The following ROBO2 variants were observed in gnomAD, a reference collection of about 807,000 sequenced individuals.
ROBO2 encodes the protein roundabout homolog 2.
A neutral mutation model predicts 160.8 loss-of-function variants in ROBO2; 53 were observed. The observed-to-expected ratio is 0.33, with a 90% CI of 0.26 to 0.41. ROBO2 has a LOEUF of 0.41. Ranked by LOEUF, ROBO2 falls within the 10% of genes least tolerant of loss-of-function variation. The pLI, the probability that ROBO2 is intolerant of heterozygous loss-of-function variation, is 1.00. For synonymous variants in ROBO2, 664 were observed against 611.7 expected (o/e 1.09, Z -1.26); for missense variants, 1,577 against 1,722.4 (o/e 0.92, Z 1.49).
intron 2 of ROBO2, among the ~76,000 whole-genome samples, chr3:76,950,548 G>T (rs1315850552): frequency 6.6e-6 from 1 of 152,096 alleles, no homozygotes; most frequent in Non-Finnish European, 1.5e-5. Context: ...TGAGCTGGGA[G>T]ATCACAGCCA....
chr3:77,248,732 C>G (rs1042714704), intron 2 of ROBO2, among the ~76,000 whole-genome samples: 1 of 151,818 alleles, frequency 6.6e-6, no homozygotes, highest in Admixed American at 6.6e-5. Context: ...CTCCAGTTCC[C>G]GCCCACGAAG....
intron 2 of ROBO2, among the ~76,000 whole-genome samples, chr3:76,286,279 C>G (rs1421086858): frequency 6.6e-6 from 1 of 151,994 alleles, no homozygotes; most frequent in East Asian, 1.9e-4. Context: ...ATGTAGAAAA[C>G]TATATAGATG....
At chr3:77,181,165 C>T (rs974735302) in intron 2 of ROBO2, among the ~76,000 whole-genome samples, 1 of 151,992 alleles carries the variant, frequency 6.6e-6, no homozygotes, top group Non-Finnish European at 1.5e-5. Context: ...ACAGAAAATG[C>T]CCAAGGTAGA....
chr3:76,894,125 A>G (rs2074579342), intron 2 of ROBO2, among the ~76,000 whole-genome samples: 1 of 151,674 alleles, frequency 6.6e-6, no homozygotes, highest in Admixed American at 6.6e-5. Flanking sequence ...ACTGCTTATT[A>G]TCTGTGGGAG....
chr3:76,198,030 G>T (rs558544574), intron 2 of ROBO2, among the ~76,000 whole-genome samples: 1 of 152,140 alleles, frequency 6.6e-6, no homozygotes, highest in African/African-American at 2.4e-5. Flanking sequence ...AAGTACAACT[G>T]TAAGCACCCC....
rs115702164 is a variant in ROBO2, at chr3:77,474,842, A to G, written c.389-2572A>G. Among the ~76,000 whole-genome samples, 1,468 of 152,316 alleles carry G rather than the reference A, an allele frequency of 9.6e-3. 25 individuals are homozygous for G. Among genetic ancestry groups the G allele is most frequent in the African/African-American group, 0.033 (1,359 of 41,568 alleles). On this transcript the variant is annotated intron_variant, in intron 2 of 25. Transcript: ENST00000461745. ...AAGAGCACAGGGCAAAATCCAAGGC[A>G]GAAATGAATAATTAGCACAAAAATG...
At chr3:77,099,724 T>G (rs1312124068) in intron 2 of ROBO2, among the ~76,000 whole-genome samples, 1 of 152,224 alleles carries the variant, frequency 6.6e-6, no homozygotes, top group East Asian at 1.9e-4. Flanking sequence ...TTTATTGATT[T>G]TTTTCCCCCA....
rs1342472003 is a variant in ROBO2, at chr3:76,946,901, T to C, written c.110-151113T>C. On this transcript the variant is annotated intron_variant, in intron 2 of 26. Coordinates refer to the ROBO2 transcript ENST00000487694. Reference sequence around the variant, plus strand: ...CCGGGGACAAAGATAGGGCTAATTTTATTTTATTTTTTTCCCATCTCCCAG... The same window carrying C: ...CCGGGGACAAAGATAGGGCTAATTTCATTTTATTTTTTTCCCATCTCCCAG... Among the ~76,000 whole-genome samples, 4 of 152,252 alleles carry C rather than the reference T, an allele frequency of 2.6e-5. No homozygotes were observed. The East Asian group carries it at 7.7e-4, about 29-fold the overall frequency.
At chr3:76,332,658 A>G (rs2073577958) in intron 2 of ROBO2, among the ~76,000 whole-genome samples, 1 of 152,240 alleles carries the variant, frequency 6.6e-6, no homozygotes, top group South Asian at 2.1e-4. Flanking sequence ...ATTAATTTGA[A>G]CTTCAAATGG....
At chr3:77,461,763 C>T (rs2082267606) in intron 2 of ROBO2, among the ~76,000 whole-genome samples, 1 of 148,734 alleles carries the variant, frequency 6.7e-6, no homozygotes, top group African/African-American at 2.5e-5. Context: ...GAGTCTCTCT[C>T]TGTTGCCAGG....
intron 2 of ROBO2, among the ~76,000 whole-genome samples, chr3:76,375,634 G>T (rs1247352441): frequency 6.6e-6 from 1 of 151,912 alleles, no homozygotes; most frequent in Non-Finnish European, 1.5e-5. Context: ...TATCAGGAGA[G>T]CTACTGGTGA....
chr3:76,739,308 T>C (rs1014530926), intron 2 of ROBO2, among the ~76,000 whole-genome samples: 1 of 152,072 alleles, frequency 6.6e-6, no homozygotes, highest in African/African-American at 2.4e-5. Context: ...CCATAAAAAA[T>C]GATGAGTTCA....
intron 5 of ROBO2, among the ~76,000 whole-genome samples, chr3:77,501,998 TA>T (rs2087683855): frequency 1.3e-5 from 2 of 152,212 alleles, no homozygotes; most frequent in Non-Finnish European, 2.9e-5. Context: ...GTGCTTACTG[TA>T]TACCAGAAAT....
At chr3:76,771,946 C>T (rs1039738061) in intron 2 of ROBO2, among the ~76,000 whole-genome samples, 11 of 151,092 alleles carry the variant, frequency 7.3e-5, no homozygotes, top group African/African-American at 9.7e-5. Flanking sequence ...TTTTAAATTA[C>T]GGTATGGAAA....
At chr3:76,641,434 A>G (rs1157892668) in intron 2 of ROBO2, among the ~76,000 whole-genome samples, 1 of 152,188 alleles carries the variant, frequency 6.6e-6, no homozygotes, top group Non-Finnish European at 1.5e-5. Context: ...ACTTAAGATA[A>G]ACCCAGATTA....
chr3:76,188,456 C>T (rs985444034), intron 2 of ROBO2, among the ~76,000 whole-genome samples: 1 of 152,040 alleles, frequency 6.6e-6, no homozygotes, highest in African/African-American at 2.4e-5. Context: ...GGATTGCCTG[C>T]AAACACCTCA....
upstream of ROBO2, among the ~76,000 whole-genome samples, chr3:77,036,868 T>C: frequency 6.6e-6 from 1 of 151,988 alleles, no homozygotes; most frequent in Non-Finnish European, 1.5e-5. Context: ...CCTTAATTTT[T>C]TTTTTTTTTT....
intron 2 of ROBO2, among the ~76,000 whole-genome samples, chr3:76,451,726 C>T (rs181791179): frequency 1.5e-3 from 231 of 152,190 alleles, no homozygotes; most frequent in African/African-American, 4.6e-3. Flanking sequence ...AGATTCAATC[C>T]GTATTCCTCT....
intron 2 of ROBO2, among the ~76,000 whole-genome samples, chr3:76,748,033 A>G (rs1386085735): frequency 6.6e-6 from 1 of 151,944 alleles, no homozygotes; most frequent in Non-Finnish European, 1.5e-5. Flanking sequence ...GAACATAGTA[A>G]GATGAGCTAA....
Sources: allele counts gnomAD v4.1 joint callset (sites outside exome capture counted in the v4.1 genomes callset), GRCh38; gene constraint gnomAD v4.1.1; transcripts MANE v1.5; gene names NCBI Gene and HGNC (gene_info 2026-07-23, HGNC 2026-07-21).